The following DGKG variants were observed in gnomAD, a reference collection of about 807,000 sequenced individuals.
DGKG encodes the protein DAG kinase gamma.
A neutral mutation model predicts 105.3 loss-of-function variants in DGKG; 78 were observed. That is an observed-to-expected ratio of 0.74 (90% confidence interval 0.62 to 0.89). The LOEUF is 0.89. Ranked by LOEUF, DGKG falls within the 40% of genes least tolerant of loss-of-function variation. The probability of loss-of-function intolerance (pLI) is 0.00; values close to 1 mark genes in which losing one functional copy is unlikely to be tolerated. For missense variants in DGKG, 958 were observed against 1,020.1 expected (o/e 0.94, Z 0.83); for synonymous variants, 346 against 367.1 (o/e 0.94, Z 0.66).
intron 17 of DGKG, among the ~76,000 whole-genome samples, chr3:186,255,402 T>C (rs1416010372): frequency 6.6e-6 from 1 of 152,210 alleles, no homozygotes; most frequent in Non-Finnish European, 1.5e-5. Context: ...CACTGTCGTA[T>C]AAGAAGGTGA....
At chr3:186,308,348 G>T (rs985056704) in intron 2 of DGKG, among the ~76,000 whole-genome samples, 19 of 152,106 alleles carry the variant, frequency 1.2e-4, no homozygotes, top group Admixed American at 2.6e-4. Context: ...GCAAACCAGG[G>T]TTTCTCTGAC....
intron 1 of DGKG, among the ~76,000 whole-genome samples, chr3:186,350,782 T>C (rs972676455): frequency 1.1e-4 from 17 of 152,232 alleles, no homozygotes; most frequent in African/African-American, 3.9e-4. Flanking sequence ...AAAATATACA[T>C]AATAGCTATC....
Position 186,275,635 on chromosome 3 carries a change from C to T in DGKG, c.822G>A (p.Trp274Ter), listed in dbSNP as rs1560128773. ...SGSKGDGRHA[W>*]TMKHFKKPTY... ...TTGGTTTCTTGAAGTGCTTCATGGT[C>T]CAGGCGTGCCGCCCATCCCCCTTGG... Residue 274 changes from tryptophan (W) to a stop codon, truncating the protein, a stop_gained, in exon 10 of 25, where the codon TGG (tryptophan) becomes TGA (stop). Coordinates refer to ENST00000265022, the MANE Select transcript of DGKG (RefSeq NM_001346.3). LOFTEE classifies it high-confidence loss of function. 5 of 1,614,054 alleles carry T rather than the reference C, an allele frequency of 3.1e-6. No individual in the cohort carries two copies. Among genetic ancestry groups the T allele is most frequent in the Non-Finnish European group, 3.4e-6 (4 of 1,180,016 alleles).
intron 1 of DGKG, among the ~76,000 whole-genome samples, chr3:186,327,280 T>C (rs1578839264): frequency 6.6e-6 from 1 of 152,184 alleles, no homozygotes; most frequent in African/African-American, 2.4e-5. Flanking sequence ...ATCTAGTTTA[T>C]ACTTCCTGTG....
chr3:186,319,648 G>A (rs1398196222), intron 2 of DGKG, among the ~76,000 whole-genome samples: 1 of 152,160 alleles, frequency 6.6e-6, no homozygotes, highest in Non-Finnish European at 1.5e-5. Flanking sequence ...CACTCTGTGT[G>A]GGCAGCGTGC....
chr3:186,298,830 G>C (rs964177384), intron 3 of DGKG, among the ~76,000 whole-genome samples: 1 of 152,324 alleles, frequency 6.6e-6, no homozygotes, highest in South Asian at 2.1e-4. Context: ...GACTTTCATA[G>C]TCCTGATCTT....
chr3:186,161,159 G>A (rs374836459), intron 24 of DGKG: 16 of 991,462 alleles, frequency 1.6e-5, no homozygotes, highest in Non-Finnish European at 1.9e-5. Flanking sequence ...AGTCAAAGGC[G>A]CTACCCTACC....
At position 186,238,149 on chromosome 3, in the gene DGKG, T is replaced by C. The variant is rs182010000; in HGVS notation, c.1826+4355A>G. 3.9e-3 allele frequency among the ~76,000 whole-genome samples: 586 copies of C among 151,966 alleles called. 3 individuals are homozygous for C. The highest frequency in any genetic ancestry group is 6.6e-3 in the Non-Finnish European group (450 of 67,924). ...CTCTACTAAAAATAGGAAGAAAAGT[T>C]AGCCAGGCGTGGTGGTGTGTGCCTT... On this transcript the variant is annotated intron_variant, in intron 20 of 24. Coordinates refer to ENST00000265022, the MANE Select transcript of DGKG (RefSeq NM_001346.3).
chr3:186,173,819 G>T (rs1007230331), intron 22 of DGKG, among the ~76,000 whole-genome samples: 1 of 152,264 alleles, frequency 6.6e-6, no homozygotes, highest in Non-Finnish European at 1.5e-5. Context: ...GGGGACTGGG[G>T]TTCCCCAGGA....
At chr3:186,301,133 T>C (rs1189668423) in intron 3 of DGKG, among the ~76,000 whole-genome samples, 9 of 152,252 alleles carry the variant, frequency 5.9e-5, no homozygotes, top group Non-Finnish European at 4.4e-5. Flanking sequence ...AGACCTTTTC[T>C]ATGTCCATTG....
chr3:186,188,440 C>T, intron 21 of DGKG, 61 bp from the exon 22 acceptor site: 24 of 1,544,574 alleles, frequency 1.6e-5, no homozygotes, highest in Non-Finnish European at 2.0e-5. Context: ...ACCCAAGGTG[C>T]TCTGTGTGTG....
intron 3 of DGKG, among the ~76,000 whole-genome samples, chr3:186,298,699 A>C (rs1459174483): frequency 6.6e-6 from 1 of 152,104 alleles, no homozygotes; most frequent in Non-Finnish European, 1.5e-5. Context: ...GATGCAAAGA[A>C]ATAGTTCTTC....
rs1727258653 is a variant in DGKG at position 186,362,114 on chromosome 3, G to A, written c.-417C>T. The A allele has an allele frequency of 6.6e-6, 1 of 152,440 alleles. No homozygotes were observed. The allele number at this position is 152,440 out of a possible 1,614,324, so 9.4% of individuals were successfully genotyped here. On this transcript the variant is annotated 5_prime_UTR_variant, in exon 1 of 25. Coordinates refer to ENST00000265022, the MANE Select transcript of DGKG (RefSeq NM_001346.3). ...CTCGGGGGAGGGGGATGCAGCCCCA[G>A]TGGGTGCCGCGGAGACCAGGCTGCC...
At chr3:186,278,126 C>T (rs1471098537) in intron 9 of DGKG, among the ~76,000 whole-genome samples, 2 of 152,078 alleles carry the variant, frequency 1.3e-5, no homozygotes, top group Admixed American at 1.3e-4. Context: ...GCTCTCCTTC[C>T]TCCTGCCACA....
chr3:186,225,074 C>CT (rs201108409), intron 20 of DGKG, among the ~76,000 whole-genome samples: 35 of 146,196 alleles, frequency 2.4e-4, no homozygotes, highest in Admixed American at 3.4e-4. Flanking sequence ...TCATTTCTTT[C>CT]TTTTTTTTTT....
chr3:186,199,802 C>T (rs983521638), intron 21 of DGKG, among the ~76,000 whole-genome samples: 3 of 152,220 alleles, frequency 2.0e-5, no homozygotes, highest in African/African-American at 7.2e-5. Context: ...GTGTGAGCCA[C>T]TGCGCCCGGC....
intron 5 of DGKG, among the ~76,000 whole-genome samples, chr3:186,296,112 C>CAAAAAAAAAAAAAAAAAAAAAA (rs36070727): frequency 7.0e-6 from 1 of 143,390 alleles, no homozygotes; most frequent in African/African-American, 2.6e-5. Flanking sequence ...TTATCTCAGA[C>CAAAAAAAAAAAAAAAAAAAAAA]AAAAAAAAAA....
At chr3:186,222,471 C>T (rs1308855658) in intron 20 of DGKG, among the ~76,000 whole-genome samples, 1 of 152,214 alleles carries the variant, frequency 6.6e-6, no homozygotes, top group African/African-American at 2.4e-5. Flanking sequence ...ATCATTTAGT[C>T]TGTCTCTTAG....
At chr3:186,224,958 C>T (rs570414349) in intron 20 of DGKG, among the ~76,000 whole-genome samples, 1 of 152,096 alleles carries the variant, frequency 6.6e-6, no homozygotes, top group Non-Finnish European at 1.5e-5. Flanking sequence ...AATTTTTTCT[C>T]CAAACAGGAA....
Sources: allele counts gnomAD v4.1 joint callset (sites outside exome capture counted in the v4.1 genomes callset), GRCh38; gene constraint gnomAD v4.1.1; transcripts MANE v1.5; gene names NCBI Gene and HGNC (gene_info 2026-07-23, HGNC 2026-07-21).